CEP170: variants seen among roughly 807,000 people sequenced by gnomAD.
CEP170 encodes the protein centrosomal protein of 170 kDa.
Under a neutral mutation model 151.9 loss-of-function variants are expected in CEP170, and 21 were observed. That is an observed-to-expected ratio of 0.14 (90% CI 0.10 to 0.20). CEP170 has a LOEUF of 0.20. Among genes scored for constraint, CEP170 ranks in the 10% least tolerant of loss-of-function variants. The pLI is 1.00. For missense variants in CEP170, 964 were observed against 1,892.9 expected (o/e 0.51, Z 9.11); for synonymous variants, 356 against 648.8 (o/e 0.55, Z 6.86).
At chr1:243,236,429 C>T (rs1440841295) in intron 1 of CEP170, among the ~76,000 whole-genome samples, 1 of 152,186 alleles carries the variant, frequency 6.6e-6, no homozygotes, top group Non-Finnish European at 1.5e-5. Context: ...GCAATAAATG[C>T]TGACAGTTCA....
At chr1:243,255,697 A>C (rs1181272653), upstream of CEP170, among the ~76,000 whole-genome samples, 1 of 152,196 alleles carries the variant, frequency 6.6e-6, no homozygotes, top group African/African-American at 2.4e-5. Flanking sequence ...TAGCCTGGGG[A>C]TCAACTGCTG....
chr1:243,232,004 C>T (rs1345185012), intron 1 of CEP170, among the ~76,000 whole-genome samples: 4 of 151,922 alleles, frequency 2.6e-5, no homozygotes, highest in African/African-American at 9.7e-5. Context: ...CTCTCTATTG[C>T]TCAGGCAGGA....
At chr1:243,221,172 C>G (rs917090424) in intron 3 of CEP170, among the ~76,000 whole-genome samples, 12 of 152,100 alleles carry the variant, frequency 7.9e-5, no homozygotes, top group African/African-American at 2.9e-4. Flanking sequence ...CTACAGGAGC[C>G]CGCCACCACA....
intron 11 of CEP170, among the ~76,000 whole-genome samples, chr1:243,172,401 G>A (rs1241209846): frequency 6.6e-6 from 1 of 152,210 alleles, no homozygotes; most frequent in Non-Finnish European, 1.5e-5. Context: ...ATGGGAGGCT[G>A]AGGCGGGTGG....
chr1:243,156,359 C>A lies in CEP170; in HGVS notation c.3773G>T (p.Arg1258Leu). Residue 1258 changes from arginine (R) to leucine (L), a missense_variant, in exon 14 of 20, where the codon CGT becomes CTT. Physicochemically the swap from Arg to Leu is moderately radical, Grantham distance 102 (BLOSUM62 -2). Coordinates refer to ENST00000366542, the MANE Select transcript of CEP170 (RefSeq NM_014812.3). ...NRNSPKHTRL[R>L]TSPALKTTRL... ...AGTGGTTTTCAGGGCTGGAGAAGTA[C>A]GTAGACGGGTATGTTTAGGGGAATT... The A allele has an allele frequency of 6.3e-7, 1 of 1,579,456 alleles. No individual in the cohort carries two copies. Among genetic ancestry groups the A allele is most frequent in the Non-Finnish European group, 8.6e-7 (1 of 1,162,706 alleles).
chr1:243,220,741 G>A (rs573322338), intron 3 of CEP170, among the ~76,000 whole-genome samples: 2 of 152,232 alleles, frequency 1.3e-5, no homozygotes, highest in East Asian at 3.9e-4. Flanking sequence ...AGAACCATAA[G>A]CAAATGAAGA....
intron 10 of CEP170, among the ~76,000 whole-genome samples, chr1:243,182,742 AC>A (rs1346682926): frequency 2.6e-5 from 4 of 152,078 alleles, no homozygotes; most frequent in African/African-American, 7.2e-5. Flanking sequence ...GGAAAACTCT[AC>A]CTAGCATGCC....
chr1:243,218,312 G>T (rs1449698207), intron 3 of CEP170, among the ~76,000 whole-genome samples: 1 of 152,220 alleles, frequency 6.6e-6, no homozygotes, highest in African/African-American at 2.4e-5. Flanking sequence ...CAAATGGCAG[G>T]CTTGCAATGG....
chr1:243,170,417 TTAA>T (rs750081988), intron 11 of CEP170, among the ~76,000 whole-genome samples: 1 of 151,816 alleles, frequency 6.6e-6, no homozygotes, highest in African/African-American at 2.4e-5. Flanking sequence ...ATTTAATACA[TTAA>T]TAATGACAAG....
intron 1 of CEP170, among the ~76,000 whole-genome samples, chr1:243,236,715 A>G (rs1185895606): frequency 1.3e-5 from 2 of 152,178 alleles, no homozygotes; most frequent in African/African-American, 4.8e-5. Context: ...AAAAACTGTC[A>G]GATCATAGAG....
intron 13 of CEP170, among the ~76,000 whole-genome samples, chr1:243,163,877 T>G (rs201508995): frequency 4.8e-3 from 604 of 126,088 alleles, no homozygotes; most frequent in East Asian, 0.012. Flanking sequence ...CTTTGAATTA[T>G]GTGAGGATAT....
chr1:243,167,779 T>A (rs2058544017), intron 12 of CEP170, among the ~76,000 whole-genome samples: 1 of 151,904 alleles, frequency 6.6e-6, no homozygotes, highest in Non-Finnish European at 1.5e-5. Flanking sequence ...TCTTGTTTTG[T>A]TTCTTCTTTC....
At chr1:243,159,781 G>GTT (rs1237406546) in intron 13 of CEP170, among the ~76,000 whole-genome samples, 1 of 150,760 alleles carries the variant, frequency 6.6e-6, no homozygotes, top group African/African-American at 2.4e-5. Flanking sequence ...GTGTGTGTGT[G>GTT]TGTGTGTGTG....
chr1:243,216,276 T>TG (rs2062279821), intron 3 of CEP170, among the ~76,000 whole-genome samples: 1 of 152,148 alleles, frequency 6.6e-6, no homozygotes, highest in Non-Finnish European at 1.5e-5. Context: ...TATGTATACA[T>TG]GTGCCATGCT....
intron 7 of CEP170, among the ~76,000 whole-genome samples, chr1:243,196,019 T>C (rs2060624599): frequency 6.6e-6 from 1 of 152,082 alleles, no homozygotes; most frequent in Non-Finnish European, 1.5e-5. Context: ...CTTTTGGTCA[T>C]CTAGCAGAAA....
At chr1:243,254,219 T>TAAAA (rs1553275319) in intron 1 of CEP170, 1 of 139,268 alleles carries the variant, frequency 7.2e-6, no homozygotes, top group Admixed American at 7.1e-5. Context: ...AATAAATAAA[T>TAAAA]AAAACTCTAC....
intron 7 of CEP170, among the ~76,000 whole-genome samples, chr1:243,191,935 C>T: frequency 6.6e-6 from 1 of 152,128 alleles, no homozygotes; most frequent in South Asian, 2.1e-4. Flanking sequence ...TATATGAACA[C>T]ATGTAGTGCT....
At chr1:243,150,242 C>T (rs2056933333) in intron 14 of CEP170, among the ~76,000 whole-genome samples, 1 of 152,116 alleles carries the variant, frequency 6.6e-6, no homozygotes, top group South Asian at 2.1e-4. Flanking sequence ...CCTCCGCTTC[C>T]CAAGTTTCAA....
chr1:243,231,263 T>C (rs976573908), intron 1 of CEP170, among the ~76,000 whole-genome samples: 2 of 151,392 alleles, frequency 1.3e-5, no homozygotes, highest in African/African-American at 4.9e-5. Context: ...AGTTAAACAA[T>C]AGCTGACACA....
Sources: allele counts gnomAD v4.1 joint callset (sites outside exome capture counted in the v4.1 genomes callset), GRCh38; gene constraint gnomAD v4.1.1; transcripts MANE v1.5; gene names NCBI Gene and HGNC (gene_info 2026-07-23, HGNC 2026-07-21).